The following CSTPP1 variants were observed in gnomAD, a reference collection of about 807,000 sequenced individuals.
CSTPP1 encodes UPF0705 protein C11orf49.
At chr11:47,024,376 C>CTT in the CSTPP1 span, among the ~76,000 whole-genome samples, 4 of 144,736 alleles carry the variant, frequency 2.8e-5, no homozygotes, top group African/African-American at 7.6e-5. Flanking sequence ...TTCTCTCTCT[C>CTT]TTTTTTTTTT....
At chr11:46,951,675 A>G in the CSTPP1 span, among the ~76,000 whole-genome samples, 3 of 152,146 alleles carry the variant, frequency 2.0e-5, no homozygotes, top group Non-Finnish European at 2.9e-5. Flanking sequence ...TGTGCTATAA[A>G]TGTGTTATAA....
chr11:46,964,766 G>T, the CSTPP1 span, among the ~76,000 whole-genome samples: 3 of 152,296 alleles, frequency 2.0e-5, no homozygotes, highest in African/African-American at 7.2e-5. Flanking sequence ...GTTTGGTATA[G>T]GTCCCATTGC....
chr11:47,130,319 T>C, the CSTPP1 span, among the ~76,000 whole-genome samples: 1 of 151,538 alleles, frequency 6.6e-6, no homozygotes, highest in Non-Finnish European at 1.5e-5. Flanking sequence ...ACACTGAAGA[T>C]GCTCTGGGGA....
At chr11:46,960,632 C>T in the CSTPP1 span, among the ~76,000 whole-genome samples, 1 of 152,102 alleles carries the variant, frequency 6.6e-6, no homozygotes, top group Non-Finnish European at 1.5e-5. Context: ...GGGTAAATGA[C>T]CTGAGGTCAG....
At chr11:47,058,489 A>G in the CSTPP1 span, among the ~76,000 whole-genome samples, 23 of 152,240 alleles carry the variant, frequency 1.5e-4, no homozygotes, top group Non-Finnish European at 4.4e-5. Flanking sequence ...TTTAAATCAT[A>G]TAAATATGCT....
At chr11:47,153,465 G>A in the CSTPP1 span, among the ~76,000 whole-genome samples, 4 of 152,172 alleles carry the variant, frequency 2.6e-5, no homozygotes, top group Non-Finnish European at 5.9e-5. Context: ...TAGTGTTTTT[G>A]CTCTGCAGCT....
chr11:47,052,494 T>G, the CSTPP1 span: 4 of 1,613,944 alleles, frequency 2.5e-6, no homozygotes, highest in Admixed American at 5.0e-5. Context: ...CTGGAGATGC[T>G]TCCGAACTGT....
chr11:47,093,368 G>A, the CSTPP1 span, among the ~76,000 whole-genome samples: 2 of 152,104 alleles, frequency 1.3e-5, no homozygotes, highest in African/African-American at 4.8e-5. Context: ...AAGAACAGAG[G>A]CTATAATGAA....
chr11:46,957,384 G>A, the CSTPP1 span, among the ~76,000 whole-genome samples: 1 of 152,082 alleles, frequency 6.6e-6, no homozygotes. Flanking sequence ...TTCTGAGAAA[G>A]GGTGCATGCA....
At chr11:47,145,817 T>G in the CSTPP1 span, among the ~76,000 whole-genome samples, 1 of 152,056 alleles carries the variant, frequency 6.6e-6, no homozygotes, top group Admixed American at 6.6e-5. Flanking sequence ...TTTGTAGAGA[T>G]GGGGGCAGTG....
the CSTPP1 span, among the ~76,000 whole-genome samples, chr11:47,077,193 G>GT: frequency 2.8e-3 from 331 of 116,846 alleles, no homozygotes; most frequent in African/African-American, 8.9e-3. Context: ...TGAGGATAAA[G>GT]TTGTTTTTTT....
the CSTPP1 span, among the ~76,000 whole-genome samples, chr11:47,053,778 C>A: frequency 6.6e-6 from 1 of 150,666 alleles, no homozygotes; most frequent in Non-Finnish European, 1.5e-5. Flanking sequence ...TTCGTCTCTA[C>A]AAAAAAATAA....
At chr11:46,956,197 G>A in the CSTPP1 span, among the ~76,000 whole-genome samples, 7 of 152,112 alleles carry the variant, frequency 4.6e-5, no homozygotes, top group African/African-American at 1.7e-4. Context: ...TAGAAGACAA[G>A]TTTTTAGGAC....
chr11:47,146,788 A>G, the CSTPP1 span, among the ~76,000 whole-genome samples: 1 of 152,234 alleles, frequency 6.6e-6, no homozygotes, highest in Non-Finnish European at 1.5e-5. Context: ...CTGCTGAAGG[A>G]AAGAATAAAG....
At chr11:46,979,675 G>C in the CSTPP1 span, among the ~76,000 whole-genome samples, 2 of 152,114 alleles carry the variant, frequency 1.3e-5, no homozygotes, top group Admixed American at 6.5e-5. Context: ...CACTTTGGGA[G>C]GCCAAGGCAG....
the CSTPP1 span, chr11:47,161,785 C>T: frequency 5.6e-6 from 8 of 1,416,864 alleles, no homozygotes; most frequent in East Asian, 1.0e-4. Flanking sequence ...GCCAGAGGGG[C>T]TCTGATGATC....
chr11:47,163,215 C>T, the CSTPP1 span, among the ~76,000 whole-genome samples: 1 of 151,066 alleles, frequency 6.6e-6, no homozygotes, highest in Non-Finnish European at 1.5e-5. Flanking sequence ...GTGATGAGCT[C>T]TGTAGGCCCA....
chr11:47,104,574 G>A, the CSTPP1 span, among the ~76,000 whole-genome samples: 2 of 152,184 alleles, frequency 1.3e-5, no homozygotes, highest in South Asian at 4.1e-4. Flanking sequence ...TGGCAGAGAG[G>A]GTCCAGTTCT....
the CSTPP1 span, among the ~76,000 whole-genome samples, chr11:46,976,663 C>T: frequency 6.6e-6 from 1 of 152,150 alleles, no homozygotes; most frequent in Non-Finnish European, 1.5e-5. Context: ...TATTTGGTAA[C>T]CCTTTCCCCA....
Sources: allele counts gnomAD v4.1 joint callset (sites outside exome capture counted in the v4.1 genomes callset), GRCh38; gene constraint gnomAD v4.1.1; transcripts MANE v1.5; gene names NCBI Gene and HGNC (gene_info 2026-07-23, HGNC 2026-07-21).